Variants in C16orf96 observed in about 807,000 individuals in gnomAD.
The protein encoded by C16orf96 is uncharacterized protein C16orf96.
In C16orf96, 108 loss-of-function variants were observed where a neutral mutation model predicts 103.6. That is an observed-to-expected ratio of 1.04 (90% confidence interval 0.89 to 1.22). The LOEUF (loss-of-function observed/expected upper bound fraction) is 1.22, where lower values mean the gene tolerates loss of function less well. Ranked by LOEUF, C16orf96 falls within the 50% of genes most tolerant of loss-of-function variation. The pLI, the probability that C16orf96 is intolerant of heterozygous loss-of-function variation, is 0.00. For missense variants in C16orf96, 1,586 were observed against 1,464.2 expected (o/e 1.08, Z -1.36); for synonymous variants, 566 against 593.5 (o/e 0.95, Z 0.67).
intron 1 of C16orf96, among the ~76,000 whole-genome samples, chr16:4,569,890 G>T (rs1419118758): frequency 6.6e-6 from 1 of 152,058 alleles, no homozygotes. Context: ...CTCACCAGGA[G>T]GACATGTTGA....
the C16orf96 span, among the ~76,000 whole-genome samples, chr16:4,541,111 A>G: frequency 2.6e-5 from 4 of 151,556 alleles, no homozygotes; most frequent in African/African-American, 9.7e-5. Context: ...ACTGAGTTTC[A>G]CTATGTTGGT....
At chr16:4,547,087 G>C in the C16orf96 span, among the ~76,000 whole-genome samples, 1 of 152,178 alleles carries the variant, frequency 6.6e-6, no homozygotes, top group Non-Finnish European at 1.5e-5. Flanking sequence ...ACCGCCCCCG[G>C]TGAAAGAAGC....
intron 11 of C16orf96, 38 bp downstream of exon 11, chr16:4,592,405 C>CT: frequency 2.6e-6 from 4 of 1,550,222 alleles, no homozygotes; most frequent in Non-Finnish European, 3.5e-6. Flanking sequence ...GCCCTAAGGG[C>CT]TTGTGGGGCC....
At chr16:4,597,216 C>T (rs1234736755) in intron 14 of C16orf96, among the ~76,000 whole-genome samples, 2 of 152,202 alleles carry the variant, frequency 1.3e-5, no homozygotes, top group African/African-American at 4.8e-5. Flanking sequence ...TGCCTGGTAT[C>T]TGCTGGGAGG....
chr16:4,600,229 A>G lies in C16orf96; in HGVS notation c.3338A>G (p.Gln1113Arg). The G allele has an allele frequency of 6.4e-7, 1 of 1,551,388 alleles. No homozygotes were observed. Among genetic ancestry groups the G allele is most frequent in the Non-Finnish European group, 8.7e-7 (1 of 1,146,934 alleles). Residue 1113 changes from glutamine (Q) to arginine (R), a missense_variant, in exon 16 of 16, where the codon CAG (glutamine) becomes CGG (arginine). Transcript: ENST00000444310. ...ATTCCATCCCTAAGGGACCCCCAGC[A>G]GGCCCCAGGGTCCACCAGGCTCTCA... ...PLIPSLRDPQ[Q>R]APGSTRLSRA...
At chr16:4,563,000 C>G in intron 1 of C16orf96, 1 of 1,127,462 alleles carries the variant, frequency 8.9e-7, no homozygotes, top group East Asian at 2.4e-5. Flanking sequence ...TTTTCCCAAT[C>G]TGAAACATGT....
At chr16:4,564,320 G>A (rs948952561) in intron 1 of C16orf96, among the ~76,000 whole-genome samples, 1 of 152,108 alleles carries the variant, frequency 6.6e-6, no homozygotes, top group South Asian at 2.1e-4. Context: ...ATATGTGCAC[G>A]CAGCTTCTGC....
chr16:4,563,064 C>T (rs747897292), intron 1 of C16orf96: 8 of 851,814 alleles, frequency 9.4e-6, no homozygotes, highest in African/African-American at 1.7e-5. Flanking sequence ...CTCCAAGTTT[C>T]GCCTGTCTTT....
intron 2 of C16orf96, among the ~76,000 whole-genome samples, chr16:4,574,366 C>T (rs918845160): frequency 9.8e-5 from 15 of 152,296 alleles, no homozygotes; most frequent in East Asian, 1.9e-4. Context: ...GGATTACAGG[C>T]GCATGCCATC....
chr16:4,591,161 T>G (rs764368522), intron 9 of C16orf96, among the ~76,000 whole-genome samples: 1 of 152,122 alleles, frequency 6.6e-6, no homozygotes, highest in African/African-American at 2.4e-5. Context: ...CGCTCCAGCC[T>G]GGGCAACAGA....
intron 7 of C16orf96, among the ~76,000 whole-genome samples, chr16:4,582,080 G>A (rs1298993182): frequency 6.6e-6 from 1 of 151,920 alleles, no homozygotes; most frequent in African/African-American, 2.4e-5. Flanking sequence ...TCAGGAGTTC[G>A]AGACCAGCCT....
At chr16:4,582,111 G>A (rs1379709992) in intron 7 of C16orf96, among the ~76,000 whole-genome samples, 7 of 151,656 alleles carry the variant, frequency 4.6e-5, no homozygotes, top group African/African-American at 9.7e-5. Context: ...GTGAAACCCC[G>A]TCTCTACTAA....
chr16:4,553,056 G>A (rs2059237474), upstream of C16orf96, among the ~76,000 whole-genome samples: 1 of 152,124 alleles, frequency 6.6e-6, no homozygotes, highest in Non-Finnish European at 1.5e-5. Context: ...TCTCTATTCT[G>A]AAAGAGCTTC....
At chr16:4,549,427 C>T in the C16orf96 span, among the ~76,000 whole-genome samples, 1 of 148,770 alleles carries the variant, frequency 6.7e-6, no homozygotes, top group African/African-American at 2.5e-5. Context: ...GAGCCAAGAT[C>T]GCGCCACTGC....
intron 9 of C16orf96, among the ~76,000 whole-genome samples, chr16:4,591,348 T>C (rs907284529): frequency 9.9e-5 from 15 of 152,174 alleles, no homozygotes; most frequent in African/African-American, 3.6e-4. Context: ...AGTGGGACCA[T>C]TGCCAGAAAG....
intron 1 of C16orf96, 134 bp from the exon 2 acceptor site, chr16:4,571,427 G>A: frequency 1.5e-6 from 1 of 672,454 alleles, no homozygotes; most frequent in East Asian, 2.8e-5. Flanking sequence ...TGGTCCCCTT[G>A]TAGGTTCCAG....
At chr16:4,589,128 C>T (rs1015007961) in intron 9 of C16orf96, among the ~76,000 whole-genome samples, 3 of 152,198 alleles carry the variant, frequency 2.0e-5, no homozygotes, top group African/African-American at 7.2e-5. Flanking sequence ...TGCACTTACG[C>T]AGCCAGGAGA....
At chr16:4,576,690 C>G in intron 5 of C16orf96, 55 bp downstream of exon 5, 3 of 1,467,484 alleles carry the variant, frequency 2.0e-6, no homozygotes, top group Non-Finnish European at 1.8e-6. Flanking sequence ...CTCCCTGCAG[C>G]CTTTGAGAAG....
upstream of C16orf96, among the ~76,000 whole-genome samples, chr16:4,553,462 C>T (rs967144285): frequency 1.3e-5 from 2 of 151,964 alleles, no homozygotes; most frequent in Admixed American, 6.6e-5. Context: ...ACTGCAGCCT[C>T]GAGTAGCTGG....
Sources: allele counts gnomAD v4.1 joint callset (sites outside exome capture counted in the v4.1 genomes callset), GRCh38; gene constraint gnomAD v4.1.1; transcripts MANE v1.5; gene names NCBI Gene and HGNC (gene_info 2026-07-23, HGNC 2026-07-21).